Variants in CRYBG1 observed in about 807,000 individuals in gnomAD.
CRYBG1 encodes the protein beta/gamma crystallin domain-containing protein 1.
CRYBG1 carries 139 observed loss-of-function variants against 189.2 expected under a neutral mutation model. The ratio of observed to expected loss-of-function variants is 0.73; its 90% CI spans 0.64 to 0.85. The LOEUF (loss-of-function observed/expected upper bound fraction) is 0.85. Among genes scored for constraint, CRYBG1 ranks in the 40% least tolerant of loss-of-function variants. CRYBG1 has a pLI of 0.00. For synonymous variants in CRYBG1, 1,023 were observed against 1,017.1 expected (o/e 1.01, Z -0.11); for missense variants, 2,611 against 2,675.8 (o/e 0.98, Z 0.53).
chr6:106,470,787 G>A (rs1252960891), intron 2 of CRYBG1, among the ~76,000 whole-genome samples: 3 of 152,262 alleles, frequency 2.0e-5, no homozygotes, highest in East Asian at 3.9e-4. Context: ...GTACCATGAA[G>A]CATCTTTAGA....
Position 106,541,084 on chromosome 6 carries a change from G to A in CRYBG1, c.4846-502G>A, listed in dbSNP as rs957897147. Reference sequence around the variant, plus strand: ...AACACATAATAGTTTCGTAAGCCCTGGTTGCAAAATCAAATACCTTCAGGG... The same window carrying A: ...AACACATAATAGTTTCGTAAGCCCTAGTTGCAAAATCAAATACCTTCAGGG... On this transcript the variant is annotated intron_variant, in intron 9 of 21. Coordinates refer to ENST00000633556, the MANE Select transcript of CRYBG1 (RefSeq NM_001371242.2). The A allele has an allele frequency of 1.8e-5, 6 of 330,680 alleles. No individual in the cohort carries two copies. The East Asian group carries it at 4.7e-4, about 26-fold the overall frequency. 20.5% of individuals were successfully genotyped at this position (330,680 alleles called of 1,614,324 possible).
chr6:106,531,148 GCACT>G (rs1773868950), intron 8 of CRYBG1, among the ~76,000 whole-genome samples: 1 of 152,092 alleles, frequency 6.6e-6, no homozygotes, highest in African/African-American at 2.4e-5. Flanking sequence ...GAACAATAAG[GCACT>G]CCTTAATCAT....
intron 9 of CRYBG1, chr6:106,541,287 T>C (rs140717682): frequency 6.3e-4 from 340 of 542,804 alleles, no homozygotes; most frequent in Non-Finnish European, 1.1e-3. Flanking sequence ...AACTGCTTTT[T>C]CAAGAGAAGT....
At position 106,512,051 on chromosome 6, in the gene CRYBG1, GCCCCTAACGGAGC is replaced by G; in HGVS notation, c.939_951del (p.Asn314ValfsTer59). On this transcript the variant is annotated frameshift_variant, in exon 3 of 22. Transcript: ENST00000633556. LOFTEE classifies it high-confidence loss of function. ...GCGGCCCGCGGGAGGACTAGGCGAG[GCCCCTAACGGAGC>G]CCCCAGTGTGTGTGCCGAAGAAGGC... 1 of 1,532,574 alleles carries G rather than the reference GCCCCTAACGGAGC, an allele frequency of 6.5e-7. No homozygotes were observed. The highest frequency in any genetic ancestry group is 8.7e-7 in the Non-Finnish European group (1 of 1,145,214). The allele number at this position is 1,532,574 out of a possible 1,614,324, so 94.9% of individuals were successfully genotyped here. A position where few individuals can be genotyped will look rare whatever the true frequency, so the allele number is the denominator to read the frequency against.
intron 2 of CRYBG1, among the ~76,000 whole-genome samples, chr6:106,472,043 A>G: frequency 6.6e-6 from 1 of 152,238 alleles, no homozygotes; most frequent in South Asian, 2.1e-4. Flanking sequence ...ATGCATATGA[A>G]TATGGCTTTA....
At chr6:106,391,615 T>G (rs1200750150) in intron 1 of CRYBG1, among the ~76,000 whole-genome samples, 1 of 152,124 alleles carries the variant, frequency 6.6e-6, no homozygotes, top group Non-Finnish European at 1.5e-5. Flanking sequence ...TATATATATA[T>G]GCAAATATTC....
intron 3 of CRYBG1, among the ~76,000 whole-genome samples, chr6:106,516,722 G>A (rs1284717802): frequency 6.6e-6 from 1 of 152,216 alleles, no homozygotes; most frequent in Non-Finnish European, 1.5e-5. Flanking sequence ...GGCGGGTATA[G>A]TCCAAGCCTA....
At chr6:106,389,357 T>G (rs1408765044) in intron 1 of CRYBG1, among the ~76,000 whole-genome samples, 1 of 152,162 alleles carries the variant, frequency 6.6e-6, no homozygotes, top group Non-Finnish European at 1.5e-5. Flanking sequence ...TTGGGCACCC[T>G]TGATTTGGCT....
At chr6:106,567,935 G>A (rs552486074) in intron 21 of CRYBG1, among the ~76,000 whole-genome samples, 2 of 152,122 alleles carry the variant, frequency 1.3e-5, no homozygotes, top group Non-Finnish European at 2.9e-5. Context: ...GTCCCCTTAT[G>A]TACTTCCGGG....
intron 2 of CRYBG1, among the ~76,000 whole-genome samples, chr6:106,507,694 C>T (rs749974047): frequency 6.6e-6 from 1 of 152,186 alleles, no homozygotes; most frequent in Non-Finnish European, 1.5e-5. Flanking sequence ...TCTCCATTTG[C>T]CTTAGTTTCC....
chr6:106,390,590 C>T (rs574703853), intron 1 of CRYBG1, among the ~76,000 whole-genome samples: 3 of 117,888 alleles, frequency 2.5e-5, no homozygotes, highest in Admixed American at 1.7e-4. Flanking sequence ...TGTGCACTCC[C>T]CCTACGCCCC....
At chr6:106,381,528 C>T (rs1770287946) in intron 1 of CRYBG1, among the ~76,000 whole-genome samples, 2 of 152,122 alleles carry the variant, frequency 1.3e-5, no homozygotes, top group African/African-American at 4.8e-5. Context: ...AACTCTATGA[C>T]AAGGATGTAA....
rs766510278 is a variant in CRYBG1 at position 106,512,880 on chromosome 6, G to C, written c.1763G>C (p.Arg588Thr). 2 of 1,596,820 alleles carry C rather than the reference G, an allele frequency of 1.3e-6. No homozygotes were observed. Among genetic ancestry groups the C allele is most frequent in the Non-Finnish European group, 1.7e-6 (2 of 1,172,018 alleles). The change falls in exon 3 of 22, where the codon AGG (arginine) becomes ACG (threonine). Residue 588 changes from arginine (R) to threonine (T), a missense_variant. Arg to Thr is a moderately conservative substitution (Grantham distance 71, BLOSUM62 -1). This residue lies in a region of CRYBG1 where 985 missense variants were observed against 924.4 expected (regional missense o/e 1.07). Coordinates refer to ENST00000633556, the MANE Select transcript of CRYBG1 (RefSeq NM_001371242.2). ...CCGGAGATCAAGCCCGAGCACAAGA[G>C]GGGCCCGCTCCCCAACCACTTCAAC... ...LLPEIKPEHKRGPLPNHFNGR... is the reference protein window; with the variant it reads ...LLPEIKPEHKTGPLPNHFNGR...
At chr6:106,387,692 T>C (rs1378396582) in intron 1 of CRYBG1, among the ~76,000 whole-genome samples, 1 of 152,084 alleles carries the variant, frequency 6.6e-6, no homozygotes, top group African/African-American at 2.4e-5. Flanking sequence ...TGAGTGAGGG[T>C]AGGAAATTTT....
intron 1 of CRYBG1, among the ~76,000 whole-genome samples, chr6:106,375,369 G>A (rs566725773): frequency 1.9e-4 from 29 of 151,844 alleles, no homozygotes; most frequent in African/African-American, 6.5e-4. Flanking sequence ...CTGGGAGACA[G>A]AGTGAGGCCC....
chr6:106,438,900 G>A (rs569537587), intron 1 of CRYBG1, among the ~76,000 whole-genome samples: 48 of 152,034 alleles, frequency 3.2e-4, no homozygotes, highest in African/African-American at 1.1e-3. Context: ...GTTAAATTTG[G>A]TAACAAGAGA....
chr6:106,486,556 T>G (rs1232214998), intron 2 of CRYBG1, among the ~76,000 whole-genome samples: 3 of 152,154 alleles, frequency 2.0e-5, no homozygotes, highest in Non-Finnish European at 2.9e-5. Flanking sequence ...ATTACTGTAT[T>G]GCAATCTCTC....
intron 2 of CRYBG1, among the ~76,000 whole-genome samples, chr6:106,462,533 T>C (rs1252181469): frequency 6.6e-6 from 1 of 152,208 alleles, no homozygotes; most frequent in African/African-American, 2.4e-5. Context: ...TAGTTCCTGC[T>C]GGGTTACGTT....
At chr6:106,509,125 G>A (rs1419918256) in intron 2 of CRYBG1, among the ~76,000 whole-genome samples, 1 of 152,186 alleles carries the variant, frequency 6.6e-6, no homozygotes, top group East Asian at 1.9e-4. Context: ...TTCAAGATAC[G>A]TTTGAAGGCC....
Sources: gnomAD v4.1 joint callset for allele counts (sites outside exome capture counted in the v4.1 genomes callset) on GRCh38, gnomAD v4.1.1 for gene constraint, gnomAD v4.1.1 regional missense constraint, MANE v1.5 for transcripts, NCBI Gene and HGNC (gene_info 2026-07-23, HGNC 2026-07-21) for gene names.